Variants in SAMD5 observed in about 807,000 individuals in gnomAD.
SAMD5 encodes the protein sterile alpha motif domain-containing protein 5.
Under a neutral mutation model 11.3 loss-of-function variants are expected in SAMD5, and 13 were observed. The observed-to-expected ratio is 1.15, with a 90% CI of 0.75 to 1.83. SAMD5 has a LOEUF of 1.83. SAMD5 is among the 40% of genes most tolerant of loss of function. The probability of loss-of-function intolerance (pLI) is 0.00; values close to 1 mark genes in which losing one functional copy is unlikely to be tolerated. For missense variants in SAMD5, 255 were observed against 239.1 expected, an observed-to-expected ratio of 1.07 and a Z score of -0.44; for synonymous variants, 129 against 111.3, an observed-to-expected ratio of 1.16 and a Z score of -1.00.
chr6:147,837,932 C>G, the SAMD5 span, among the ~76,000 whole-genome samples: 3 of 151,882 alleles, frequency 2.0e-5, no homozygotes, highest in Admixed American at 2.0e-4. Flanking sequence ...GGATGGAACT[C>G]CCATGCCTCC....
chr6:147,829,645 A>C, the SAMD5 span, among the ~76,000 whole-genome samples: 1 of 152,188 alleles, frequency 6.6e-6, no homozygotes, highest in Admixed American at 6.5e-5. Flanking sequence ...ATGCATGCAC[A>C]TTTAGATCAA....
the SAMD5 span, among the ~76,000 whole-genome samples, chr6:147,851,747 T>C: frequency 6.6e-6 from 1 of 152,168 alleles, no homozygotes; most frequent in African/African-American, 2.4e-5. Flanking sequence ...AGAGTACTGA[T>C]AGATAATTAA....
intron 1 of SAMD5, among the ~76,000 whole-genome samples, chr6:147,524,370 G>C (rs569492394): frequency 2.6e-5 from 4 of 151,694 alleles, no homozygotes; most frequent in African/African-American, 9.7e-5. Flanking sequence ...CAGTGGTTTG[G>C]GGGGAAAGGG....
At chr6:147,776,473 T>G in the SAMD5 span, among the ~76,000 whole-genome samples, 2 of 152,200 alleles carry the variant, frequency 1.3e-5, no homozygotes, top group Non-Finnish European at 2.9e-5. Flanking sequence ...CTGCAAGCCC[T>G]GAGAATACTT....
intron 1 of SAMD5, among the ~76,000 whole-genome samples, chr6:147,609,511 T>A (rs1487354209): frequency 6.6e-6 from 1 of 152,180 alleles, no homozygotes; most frequent in East Asian, 1.9e-4. Flanking sequence ...TTATTTCCCA[T>A]CACTACTGGA....
chr6:147,690,526 G>A (rs1446381444), intron 1 of SAMD5, among the ~76,000 whole-genome samples: 12 of 152,044 alleles, frequency 7.9e-5, no homozygotes, highest in Non-Finnish European at 1.5e-4. Context: ...GCGGGCGCCT[G>A]CAGTCCCAGC....
chr6:147,648,013 C>T (rs1306469061), intron 1 of SAMD5, among the ~76,000 whole-genome samples: 1 of 152,204 alleles, frequency 6.6e-6, no homozygotes, highest in African/African-American at 2.4e-5. Context: ...TTGACTTCAA[C>T]CCATGATCAG....
intron 1 of SAMD5, among the ~76,000 whole-genome samples, chr6:147,609,660 G>A (rs775464138): frequency 7.9e-5 from 12 of 152,174 alleles, no homozygotes; most frequent in Admixed American, 1.3e-4. Context: ...AGGTTCAAGC[G>A]ATTCTCCTAC....
the SAMD5 span, among the ~76,000 whole-genome samples, chr6:147,930,007 C>T: frequency 6.6e-6 from 1 of 152,160 alleles, no homozygotes; most frequent in Non-Finnish European, 1.5e-5. Flanking sequence ...GATTGTGCAG[C>T]ATCCCTGGCA....
intron 1 of SAMD5, among the ~76,000 whole-genome samples, chr6:147,674,200 G>A (rs1391521449): frequency 6.6e-6 from 1 of 152,166 alleles, no homozygotes; most frequent in Non-Finnish European, 1.5e-5. Context: ...CTTGTACAGA[G>A]TTTGGTTGGA....
intron 1 of SAMD5, among the ~76,000 whole-genome samples, chr6:147,561,177 G>A (rs1314662381): frequency 6.6e-6 from 1 of 152,012 alleles, no homozygotes; most frequent in Non-Finnish European, 1.5e-5. Context: ...GCAGAGGTTG[G>A]CTTTTATGAA....
intron 1 of SAMD5, among the ~76,000 whole-genome samples, chr6:147,511,402 C>T (rs897814058): frequency 6.6e-6 from 1 of 152,200 alleles, no homozygotes; most frequent in Non-Finnish European, 1.5e-5. Flanking sequence ...GTGCAGTTTA[C>T]ATAAGAAAAT....
At chr6:147,907,406 A>G in the SAMD5 span, among the ~76,000 whole-genome samples, 1 of 152,016 alleles carries the variant, frequency 6.6e-6, no homozygotes, top group Non-Finnish European at 1.5e-5. Context: ...AGTGTCCCCC[A>G]TATTATTAGG....
chr6:147,802,311 G>C, the SAMD5 span, among the ~76,000 whole-genome samples: 2 of 151,924 alleles, frequency 1.3e-5, no homozygotes, highest in African/African-American at 2.4e-5. Context: ...ACAGGAAAGT[G>C]CTCAATATTG....
chr6:147,811,156 A>G, the SAMD5 span, among the ~76,000 whole-genome samples: 1 of 152,220 alleles, frequency 6.6e-6, no homozygotes, highest in Non-Finnish European at 1.5e-5. Flanking sequence ...GTCATAGAGT[A>G]GTAGAGTAAT....
chr6:147,535,069 G>A (rs1032140322), intron 1 of SAMD5, among the ~76,000 whole-genome samples: 4 of 152,120 alleles, frequency 2.6e-5, no homozygotes, highest in South Asian at 2.1e-4. Context: ...TTGCAAAGGC[G>A]GTTTCAATCC....
chr6:147,545,794 T>G (rs1384980128), intron 1 of SAMD5, among the ~76,000 whole-genome samples: 1 of 152,192 alleles, frequency 6.6e-6, no homozygotes, highest in Non-Finnish European at 1.5e-5. Context: ...GTTATATACC[T>G]TTCTTTATAT....
the SAMD5 span, among the ~76,000 whole-genome samples, chr6:147,803,025 G>A: frequency 6.6e-6 from 1 of 152,144 alleles, no homozygotes; most frequent in Non-Finnish European, 1.5e-5. Flanking sequence ...ACATTTCACT[G>A]TATGTAAATC....
intron 1 of SAMD5, among the ~76,000 whole-genome samples, chr6:147,524,657 T>C (rs979980332): frequency 1.3e-5 from 2 of 152,036 alleles, no homozygotes; most frequent in African/African-American, 4.8e-5. Context: ...CCCTGTGGAG[T>C]TTAGAAAAGT....
Sources: gnomAD v4.1 joint callset for allele counts (sites outside exome capture counted in the v4.1 genomes callset) on GRCh38, gnomAD v4.1.1 for gene constraint, MANE v1.5 for transcripts, NCBI Gene and HGNC (gene_info 2026-07-23, HGNC 2026-07-21) for gene names.